ZNF157: variants seen among roughly 807,000 people sequenced by gnomAD.
ZNF157 encodes the protein zinc finger protein 22.
ZNF157 carries 8 observed loss-of-function variants against 9.4 expected under a neutral mutation model. The ratio of observed to expected loss-of-function variants is 0.85; its 90% CI spans 0.50 to 1.53. The LOEUF (loss-of-function observed/expected upper bound fraction) is 1.53, where lower values mean the gene tolerates loss of function less well. Ranked by LOEUF, ZNF157 falls within the 40% of genes most tolerant of loss-of-function variation. The pLI, the probability that ZNF157 is intolerant of heterozygous loss-of-function variation, is 0.00. For synonymous variants in ZNF157, 120 were observed against 130.8 expected, an observed-to-expected ratio of 0.92 and a Z score of 0.56; for missense variants, 316 against 385.2, an observed-to-expected ratio of 0.82 and a Z score of 1.50.
chrX:47,410,401 G>A lies in ZNF157; in HGVS notation c.198G>A (p.Val66=). ...MLETYSNLAS[V]GLCVAKPEMI... is the part of the protein sequence containing the mutation. Reference sequence around the variant, plus strand: ...AGACCTACAGCAACCTGGCATCTGTGGGTGAGGATGATTGTCCGTGTAACT... The same window carrying A: ...AGACCTACAGCAACCTGGCATCTGTAGGTGAGGATGATTGTCCGTGTAACT... The change falls in exon 2 of 4, where the codon GTG becomes GTA. Residue 66 remains valine, a splice_region_variant and synonymous_variant. Transcript: ENST00000377073. 1 of 1,210,655 alleles carries A rather than the reference G, an allele frequency of 8.3e-7. No homozygotes were observed. The highest frequency in any genetic ancestry group is 2.2e-5 in the Admixed American group (1 of 45,870).
Position 47,379,773 on chromosome X carries a change from A to G in ZNF157, c.72+9033A>G, listed in dbSNP as rs369361782. On this transcript the variant is annotated intron_variant, in intron 1 of 3. Transcript: ENST00000377073. Reference sequence around the variant, plus strand: ...ATGGATGTCCAGTTGTTCCAGCACCATTTGTTGAAAAGACTTATTTCTTCA... The same window carrying G: ...ATGGATGTCCAGTTGTTCCAGCACCGTTTGTTGAAAAGACTTATTTCTTCA... Among the ~76,000 whole-genome samples the G allele has an allele frequency of 6.4e-4, 54 of 84,930 alleles. No individual in the cohort carries two copies. The South Asian group carries it at 0.01, about 16-fold the overall frequency. The allele number at this position is 84,930 out of a possible 115,157, so 73.8% of individuals were successfully genotyped here.
intron 1 of ZNF157, among the ~76,000 whole-genome samples, chrX:47,393,967 CTT>C (rs748734330): frequency 6.1e-5 from 6 of 98,252 alleles, no homozygotes; most frequent in Admixed American, 1.1e-4. Context: ...GTCTCGAACT[CTT>C]TTTTTTTTTT....
chrX:47,384,351 T>TGG (rs900541916), intron 1 of ZNF157, among the ~76,000 whole-genome samples: 4 of 112,107 alleles, frequency 3.6e-5, no homozygotes, highest in African/African-American at 1.3e-4. Flanking sequence ...ACTAGTATTG[T>TGG]GACACTCAAA....
intron 1 of ZNF157, among the ~76,000 whole-genome samples, chrX:47,387,444 A>G (rs1261659206): frequency 1.8e-5 from 2 of 109,325 alleles, no homozygotes; most frequent in Non-Finnish European, 3.8e-5. Context: ...GTTTTAGTAG[A>G]TGGGGTTTCA....
At chrX:47,411,934 T>TA (rs2055966396) in intron 3 of ZNF157, among the ~76,000 whole-genome samples, 1 of 111,406 alleles carries the variant, frequency 9.0e-6, no homozygotes, top group Non-Finnish European at 1.9e-5. Context: ...GAAGGATAGA[T>TA]ACTGATTTTT....
intron 1 of ZNF157, among the ~76,000 whole-genome samples, chrX:47,397,165 A>C (rs1569259156): frequency 9.1e-6 from 1 of 109,805 alleles, no homozygotes. Flanking sequence ...AGTGTGCTTT[A>C]AGGGGTCTTC....
In ZNF157 at chrX:47,410,403, G is replaced by A. The variant is rs761254869; in HGVS notation, c.199+1G>A. On this transcript the variant is annotated splice_donor_variant, in intron 2 of 3. Transcript: ENST00000377073. LOFTEE classifies it high-confidence loss of function. ...ACCTACAGCAACCTGGCATCTGTGG[G>A]TGAGGATGATTGTCCGTGTAACTCC... 5.8e-6 allele frequency: 7 copies of A among 1,208,815 alleles called. No individual in the cohort carries two copies. Among genetic ancestry groups the A allele is most frequent in the Admixed American group, 2.2e-5 (1 of 45,528 alleles).
chrX:47,412,892 C>T lies in ZNF157; in HGVS notation c.819C>T (p.Pro273=). The change falls in exon 4 of 4, where the codon CCC becomes CCT. Residue 273 remains proline, a synonymous_variant. Transcript: ENST00000377073. ...AGAGAACTCACACAGGGGAGAAACC[C>T]TATGAATGTAGTGAATGTGGGAAAA... ...IHQRTHTGEK[P]YECSECGKTF... 8.3e-7 allele frequency: 1 copy of T among 1,211,373 alleles called. No individual in the cohort carries two copies. The highest frequency in any genetic ancestry group is 1.8e-5 in the South Asian group (1 of 56,930).
rs1393572954 is a variant in ZNF157 at position 47,400,618 on chromosome X, G to A, written c.73-9658G>A. Among the ~76,000 whole-genome samples the A allele has an allele frequency of 2.7e-5, 3 of 111,773 alleles. No homozygotes were observed. In the East Asian group the frequency reaches 8.4e-4, roughly 31 times the overall value. ...CCTTGATCTGAAGAGATGTAACATG[G>A]CAGTCTAAATTGGTGTAGTATCTTC... is the stretch of plus-strand genomic sequence containing the variant. On this transcript the variant is annotated intron_variant, in intron 1 of 3. Transcript: ENST00000377073.
rs760215440 is a variant in ZNF157, at chrX:47,382,616, T to C, written c.72+11876T>C. On this transcript the variant is annotated intron_variant, in intron 1 of 3. Transcript: ENST00000377073. ...TAGCCTTTTTTTTTTTTTTAATCTT[T>C]GTAGCTATCTTATTTGGGAATAAAA... Among the ~76,000 whole-genome samples the C allele has an allele frequency of 9.3e-5, 10 of 107,561 alleles. No homozygotes were observed. The East Asian group carries it at 2.9e-3, about 31-fold the overall frequency. The allele number at this position is 107,561 out of a possible 115,157, so 93.4% of individuals were successfully genotyped here.
intron 1 of ZNF157, among the ~76,000 whole-genome samples, chrX:47,405,139 G>C (rs1209821024): frequency 4.3e-4 from 48 of 111,322 alleles, no homozygotes; most frequent in Non-Finnish European, 7.5e-5. Flanking sequence ...TGTAATCCCA[G>C]CACTTTGGGA....
intron 1 of ZNF157, among the ~76,000 whole-genome samples, chrX:47,398,012 T>C (rs2055919039): frequency 9.1e-6 from 1 of 110,372 alleles, no homozygotes; most frequent in South Asian, 3.9e-4. Context: ...TTTTGTGTTT[T>C]TTTTTGAGAC....
chrX:47,403,172 G>A (rs2055935997), intron 1 of ZNF157, among the ~76,000 whole-genome samples: 1 of 109,331 alleles, frequency 9.1e-6, no homozygotes, highest in African/African-American at 3.3e-5. Flanking sequence ...AGCTACTAGA[G>A]AGGCTGAGGC....
intron 1 of ZNF157, among the ~76,000 whole-genome samples, chrX:47,399,230 G>T (rs1602769935): frequency 8.9e-6 from 1 of 111,756 alleles, no homozygotes; most frequent in East Asian, 2.8e-4. Context: ...ATAGCATATG[G>T]TTATATTGGT....
At chrX:47,377,275 A>G (rs1244574186) in intron 1 of ZNF157, among the ~76,000 whole-genome samples, 1 of 98,726 alleles carries the variant, frequency 1.0e-5, no homozygotes, top group East Asian at 3.3e-4. Context: ...CTGATCCCCA[A>G]ATGCTCGGGG....
At chrX:47,409,781 C>T (rs763572929) in intron 1 of ZNF157, among the ~76,000 whole-genome samples, 82 of 107,847 alleles carry the variant, frequency 7.6e-4, no homozygotes, top group African/African-American at 2.5e-3. Flanking sequence ...GTAGCTGGGA[C>T]TACAGATGTG....
intron 1 of ZNF157, among the ~76,000 whole-genome samples, chrX:47,410,041 C>A (rs1416668090): frequency 9.0e-6 from 1 of 111,655 alleles, no homozygotes; most frequent in African/African-American, 3.2e-5. Flanking sequence ...CTTACTGAGG[C>A]ACATAGTGTT....
intron 1 of ZNF157, among the ~76,000 whole-genome samples, chrX:47,400,576 A>G (rs746447603): frequency 8.9e-6 from 1 of 112,227 alleles, no homozygotes; most frequent in Non-Finnish European, 1.9e-5. Flanking sequence ...GTTGGATACT[A>G]TGCTGTAAGG....
At chrX:47,371,961 C>A (rs6651580) in intron 1 of ZNF157, among the ~76,000 whole-genome samples, 40,030 of 110,648 alleles carry the variant, frequency 0.36, 5,571 homozygotes, top group African/African-American at 0.49. Context: ...AACAGTATAA[C>A]CATTCACTGG....
Sources: allele counts gnomAD v4.1 joint callset (sites outside exome capture counted in the v4.1 genomes callset), GRCh38; gene constraint gnomAD v4.1.1; transcripts MANE v1.5; gene names NCBI Gene and HGNC (gene_info 2026-07-23, HGNC 2026-07-21).